The following DNAJB1 variants were observed in gnomAD, a reference collection of about 807,000 sequenced individuals.
DNAJB1 encodes the protein DnaJ heat shock protein family (Hsp40) member B1.
Under a neutral mutation model 24.0 loss-of-function variants are expected in DNAJB1, and 14 were observed. The ratio of observed to expected loss-of-function variants is 0.58; its 90% CI spans 0.39 to 0.91. The LOEUF is 0.91. Among genes scored for constraint, DNAJB1 ranks in the 40% least tolerant of loss-of-function variants. The pLI, the probability that DNAJB1 is intolerant of heterozygous loss-of-function variation, is 0.00. For synonymous variants in DNAJB1, 262 were observed against 174.4 expected, an observed-to-expected ratio of 1.50 and a Z score of -3.96; for missense variants, 517 against 458.1, an observed-to-expected ratio of 1.13 and a Z score of -1.17.
At position 14,542,625 on chromosome 19, in the gene DNAJB1, G is replaced by A. The variant is rs375765594; in HGVS notation, c.-214+7583C>T. ...GATCTACACGCTTTGGCCTCCCAAA[G>A]TGTTGGGATTAGAGGCATTGAGGCA... On this transcript the variant is annotated intron_variant, in intron 1 of 3. Transcript: ENST00000676982. 1.0e-3 allele frequency among the ~76,000 whole-genome samples: 152 copies of A among 152,226 alleles called. 4 individuals carry two copies. In the South Asian group the frequency reaches 0.03, roughly 30 times the overall value.
At chr19:14,524,787 A>T (rs1465852401) in intron 2 of DNAJB1, among the ~76,000 whole-genome samples, 1 of 139,130 alleles carries the variant, frequency 7.2e-6, no homozygotes, top group Non-Finnish European at 1.5e-5. Context: ...TGGAGGTTGC[A>T]ATGAGCCGAG....
chr19:14,542,374 T>C lies in DNAJB1; in HGVS notation c.-214+7834A>G, dbSNP rs868210008. ...TTTTTTTTTTTTTTTTTTTTTTTTTTTTCTGAGATGGAGTTTCGCTTTTGT... is the reference window on the plus strand; with the variant it reads ...TTTTTTTTTTTTTTTTTTTTTTTTTCTTCTGAGATGGAGTTTCGCTTTTGT... On this transcript the variant is annotated intron_variant, in intron 1 of 3. Coordinates refer to the DNAJB1 transcript ENST00000676982. Among the ~76,000 whole-genome samples, 69 of 117,250 alleles carry C rather than the reference T, an allele frequency of 5.9e-4. 1 individual carries two copies. Among genetic ancestry groups the C allele is most frequent in the Non-Finnish European group, 4.4e-4 (25 of 56,620 alleles). The allele number at this position is 117,250 out of a possible 152,430, so 76.9% of individuals were successfully genotyped here. A position where few individuals can be genotyped will look rare whatever the true frequency, so the allele number is the denominator to read the frequency against.
chr19:14,536,262 A>G (rs973874797), intron 1 of DNAJB1, among the ~76,000 whole-genome samples: 14 of 141,284 alleles, frequency 9.9e-5, no homozygotes, highest in South Asian at 6.7e-4. Context: ...TAGTTTCTCG[A>G]GCTAGTTTTT....
intron 2 of DNAJB1, among the ~76,000 whole-genome samples, chr19:14,524,844 T>TAAAAAAAAAAA (rs1568384341): frequency 2.7e-5 from 1 of 37,226 alleles, no homozygotes; most frequent in African/African-American, 3.9e-4. Flanking sequence ...AGACTCGTTC[T>TAAAAAAAAAAA]CAAAAAAAAA....
chr19:14,535,586 A>ATATATATGTATG (rs2072867981), intron 1 of DNAJB1, among the ~76,000 whole-genome samples: 1 of 41,074 alleles, frequency 2.4e-5, no homozygotes, highest in Admixed American at 2.8e-4. Flanking sequence ...ATATATATAT[A>ATATATATGTATG]TATGTATGTA....
At chr19:14,546,339 C>T (rs1221253036) in intron 1 of DNAJB1, among the ~76,000 whole-genome samples, 2 of 151,928 alleles carry the variant, frequency 1.3e-5, no homozygotes, top group Non-Finnish European at 2.9e-5. Flanking sequence ...GTAATTTCAG[C>T]ACTTTGGAAG....
chr19:14,555,137 T>C (rs115186458), upstream of DNAJB1, among the ~76,000 whole-genome samples: 423 of 151,754 alleles, frequency 2.8e-3, 4 homozygotes, highest in African/African-American at 9.8e-3. Context: ...TGCCGTAGTG[T>C]AATCAATCAT....
upstream of DNAJB1, among the ~76,000 whole-genome samples, chr19:14,555,169 C>T (rs923546761): frequency 6.6e-6 from 1 of 151,716 alleles, no homozygotes; most frequent in African/African-American, 2.4e-5. Flanking sequence ...GCCTGGAACT[C>T]CTAGGCTTAA....
chr19:14,519,074 G>T (rs1028644134), upstream of DNAJB1, among the ~76,000 whole-genome samples: 3 of 152,170 alleles, frequency 2.0e-5, no homozygotes, highest in Admixed American at 6.5e-5. Context: ...TTCTATTTAA[G>T]ATTAACAAAC....
At chr19:14,543,722 G>A (rs535354634) in intron 1 of DNAJB1, among the ~76,000 whole-genome samples, 272 of 150,232 alleles carry the variant, frequency 1.8e-3, no homozygotes, top group Non-Finnish European at 3.1e-3. Context: ...ACAGGCGTGA[G>A]CCACCGCGCC....
upstream of DNAJB1, among the ~76,000 whole-genome samples, chr19:14,552,517 A>G (rs1173256191): frequency 5.3e-5 from 8 of 149,570 alleles, no homozygotes; most frequent in African/African-American, 2.0e-4. Context: ...AACAGGCATC[A>G]CAGTCTTTTT....
chr19:14,532,421 C>T (rs2072705659), upstream of DNAJB1: 1 of 150,236 alleles, frequency 6.7e-6, no homozygotes, highest in African/African-American at 2.5e-5. Context: ...TGGCACACGC[C>T]TGTAATCTCA....
chr19:14,516,643 G>A lies in DNAJB1; in HGVS notation c.615C>T (p.Thr205=), dbSNP rs371985591. 4.8e-5 allele frequency: 77 copies of A among 1,614,090 alleles called. 1 individual carries two copies. Among genetic ancestry groups the A allele is most frequent in the Non-Finnish European group, 6.4e-5 (75 of 1,180,044 alleles). ...KSIRNEDKIL[T]IEVKKGWKEG... ...CTTTCCACCCCTTCTTCACTTCGAT[G>A]GTCAATATTTTGTCTTCGTTTCGAA... The change falls in exon 2 of 3, where the codon ACC becomes ACT. Residue 205 remains threonine (T), a synonymous_variant. Transcript: ENST00000254322.
chr19:14,557,167 T>C (rs1489230733), intron 1 of DNAJB1, among the ~76,000 whole-genome samples: 1 of 144,336 alleles, frequency 6.9e-6, no homozygotes, highest in Non-Finnish European at 1.5e-5. Flanking sequence ...TGAGACAGGG[T>C]CTTGCTGTGT....
At chr19:14,526,146 T>C (rs1305966981) in intron 2 of DNAJB1, among the ~76,000 whole-genome samples, 1 of 151,942 alleles carries the variant, frequency 6.6e-6, no homozygotes, top group Non-Finnish European at 1.5e-5. Context: ...AAGCTCATCC[T>C]TGGAAGCTGC....
At chr19:14,525,347 G>T (rs1209828125) in intron 2 of DNAJB1, among the ~76,000 whole-genome samples, 2 of 149,214 alleles carry the variant, frequency 1.3e-5, no homozygotes, top group Admixed American at 1.3e-4. Flanking sequence ...TTTTTTTTGA[G>T]ATGGAGTCTC....
upstream of DNAJB1, among the ~76,000 whole-genome samples, chr19:14,523,248 G>A (rs2072382681): frequency 6.6e-6 from 1 of 152,152 alleles, no homozygotes; most frequent in African/African-American, 2.4e-5. Context: ...CGCTGCTGGT[G>A]TTGCTATGTG....
intron 2 of DNAJB1, 54 bp from the exon 3 acceptor site, chr19:14,516,224 C>G: frequency 6.3e-7 from 1 of 1,598,864 alleles, no homozygotes; most frequent in African/African-American, 1.3e-5. Flanking sequence ...AGGCTCAGCT[C>G]TTGCCCAGAG....
rs373801509 is a variant in DNAJB1, at chr19:14,525,190, G to A, written c.-90+2536C>T. ...GGAGGTTGCAGTGAGCCGAGATTGC[G>A]CCACTGCACTCCAGCCTGGGTGACA... is the stretch of plus-strand genomic sequence containing the variant. On this transcript the variant is annotated intron_variant, in intron 2 of 3. Transcript: ENST00000396969. 3.9e-5 allele frequency among the ~76,000 whole-genome samples: 6 copies of A among 152,170 alleles called. No individual in the cohort carries two copies. In the East Asian group the frequency reaches 5.8e-4, roughly 15 times the overall value.
Sources: allele counts gnomAD v4.1 joint callset (sites outside exome capture counted in the v4.1 genomes callset), GRCh38; gene constraint gnomAD v4.1.1; transcripts MANE v1.5; gene names NCBI Gene and HGNC (gene_info 2026-07-23, HGNC 2026-07-21).